UCKL1: variants seen among roughly 807,000 people sequenced by gnomAD.
UCKL1 encodes the protein uridine-cytidine kinase 1 like 1.
Under a neutral mutation model 59.2 loss-of-function variants are expected in UCKL1, and 65 were observed. The observed-to-expected ratio is 1.10, with a 90% CI of 0.90 to 1.35. The LOEUF is 1.35. UCKL1 is among the 40% of genes most tolerant of loss of function. UCKL1 has a pLI of 0.00. For synonymous variants in UCKL1, 410 were observed against 323.1 expected (o/e 1.27, Z -2.88); for missense variants, 703 against 784.3 (o/e 0.90, Z 1.24).
rs1283014448 is a variant in UCKL1, at chr20:63,949,259, A to AGGCCAGGCGCCAAGAC, written c.114-2632_114-2617dup. Among the ~76,000 whole-genome samples the AGGCCAGGCGCCAAGAC allele has an allele frequency of 5.3e-5, 8 of 152,202 alleles. No homozygotes were observed. The East Asian group carries it at 1.5e-3, about 29-fold the overall frequency. On this transcript the variant is annotated intron_variant, in intron 1 of 14. Coordinates refer to ENST00000354216, the MANE Select transcript of UCKL1 (RefSeq NM_017859.4). ...GCAGCAGGGCTGAGCACAAACAACAAGGCCAGGCGCCAAGACGACCAGGCG... is the reference window on the plus strand; with the variant it reads ...GCAGCAGGGCTGAGCACAAACAACAAGGCCAGGCGCCAAGACGGCCAGGCGCCAAGACGACCAGGCG...
chr20:63,950,865 G>C, intron 1 of UCKL1: 1 of 1,466,564 alleles, frequency 6.8e-7, no homozygotes, highest in Non-Finnish European at 9.0e-7. Flanking sequence ...ACAGCAGAGT[G>C]GCCCCAGGGG....
intron 8 of UCKL1, among the ~76,000 whole-genome samples, chr20:63,941,800 A>C (rs1282732073): frequency 6.6e-6 from 1 of 151,874 alleles, no homozygotes; most frequent in Non-Finnish European, 1.5e-5. Flanking sequence ...TGGAGGCAAG[A>C]AAGAGGTGGG....
chr20:63,948,631 GGAA>G (rs2056989597), intron 1 of UCKL1, among the ~76,000 whole-genome samples: 1 of 15,168 alleles, frequency 6.6e-5, no homozygotes, highest in Non-Finnish European at 1.5e-4. Flanking sequence ...TGTGTGAGAG[GGAA>G]GGGGCGTGTG....
intron 8 of UCKL1, 98 bp from the exon 9 acceptor site, chr20:63,941,306 C>G: frequency 6.9e-7 from 1 of 1,445,188 alleles, no homozygotes; most frequent in South Asian, 1.4e-5. Context: ...GGGGAACACA[C>G]GGGCCAGGCA....
At chr20:63,948,602 TGTGTGAGAGGG>T (rs2056950705) in intron 1 of UCKL1, 1 of 44,902 alleles carries the variant, frequency 2.2e-5, no homozygotes, top group Non-Finnish European at 4.9e-5. Flanking sequence ...GGAGGGGGCG[TGTGTGAGAGGG>T]AGGGGCGTGT....
chr20:63,946,628 G>A lies in UCKL1; in HGVS notation c.129C>T (p.Ser43=). ...CCACAGGTGGCAGGAGCCTGTCCAG[G>A]GACTCTGCATTGCTGCTGCAGAGAG... The part of the protein sequence containing the change: ...TACEDRSNAE[S]LDRLLPPVGT... Residue 43 remains serine, a synonymous_variant, in exon 2 of 15, where the codon TCC becomes TCT. Coordinates refer to ENST00000354216, the MANE Select transcript of UCKL1 (RefSeq NM_017859.4). 1.2e-6 allele frequency: 2 copies of A among 1,608,904 alleles called. No homozygotes were observed. The highest frequency in any genetic ancestry group is 1.1e-5 in the South Asian group (1 of 91,050).
In UCKL1 at chr20:63,940,002, C is replaced by A; in HGVS notation, c.1621G>T (p.Glu541Ter). The A allele has an allele frequency of 6.2e-7, 1 of 1,611,424 alleles. No homozygotes were observed. Among genetic ancestry groups the A allele is most frequent in the Non-Finnish European group, 8.5e-7 (1 of 1,179,704 alleles). The change falls in exon 15 of 15, where the codon GAG (glutamate) becomes TAG (stop). Residue 541 changes from glutamate to a stop codon, truncating the protein, a stop_gained. Transcript: ENST00000354216. LOFTEE classifies it high-confidence loss of function. ...TAACCCGTGTAGGCCACTTCCTCCT[C>A]GTCACTGCCATCGGGGACCGCGTCT... ...GTDAVPDGSD[E>*]EEVAYTG is the part of the protein sequence containing the mutation.
Position 63,946,188 on chromosome 20 carries a change from G to A in UCKL1, c.384C>T (p.Val128=). Residue 128 remains valine, a synonymous_variant, in exon 3 of 15, where the codon GTC becomes GTT. Coordinates refer to ENST00000354216, the MANE Select transcript of UCKL1 (RefSeq NM_017859.4). ...TGTAGAAGGAGTCCATGGACAGCAA[G>A]ACCACCCAGGGCACATCCAGGGCCT... is the stretch of plus-strand genomic sequence containing the variant. ...IIEALDVPWV[V]LLSMDSFYKV... The A allele has an allele frequency of 1.2e-6, 2 of 1,612,182 alleles. No homozygotes were observed. The highest frequency in any genetic ancestry group is 1.7e-6 in the Non-Finnish European group (2 of 1,179,668).
At chr20:63,945,746 G>A (rs758448637) in intron 4 of UCKL1, 24 bp from the exon 5 acceptor site, 19 of 1,612,650 alleles carry the variant, frequency 1.2e-5, no homozygotes, top group Admixed American at 5.0e-5. Flanking sequence ...CAGGAGTTGC[G>A]GAGCCTGGCT....
chr20:63,942,818 G>T (rs1034850381), intron 8 of UCKL1: 11 of 434,420 alleles, frequency 2.5e-5, no homozygotes, highest in Non-Finnish European at 5.4e-5. Flanking sequence ...CAGAACAAAA[G>T]CTTCAGGAGG....
Position 63,940,219 on chromosome 20 carries a change from G to A in UCKL1, c.1498C>T (p.Arg500Ter). The A allele has an allele frequency of 6.2e-7, 1 of 1,612,786 alleles. No homozygotes were observed. Residue 500 changes from arginine to a stop codon, truncating the protein, a stop_gained, in exon 14 of 15, where the codon CGA (arginine) becomes TGA (stop). Coordinates refer to ENST00000354216, the MANE Select transcript of UCKL1 (RefSeq NM_017859.4). LOFTEE classifies it high-confidence loss of function. ...GVHSVAYAFPRVRIITTAVDK... is the reference protein window; with the variant it reads ...GVHSVAYAFP ...ACCGCCGTGGTGATGATTCTCACTC[G>A]CGGAAATGCATAGGCCACTGAGTGC...
intron 7 of UCKL1, among the ~76,000 whole-genome samples, chr20:63,944,054 A>G (rs533859496): frequency 3.6e-4 from 55 of 152,094 alleles, no homozygotes; most frequent in Non-Finnish European, 6.5e-4. Flanking sequence ...CTGGCGTGGG[A>G]CTCAGCAGTG....
At chr20:63,942,755 T>C (rs2054970697) in intron 8 of UCKL1, 3 of 468,290 alleles carry the variant, frequency 6.4e-6, no homozygotes, top group Non-Finnish European at 1.3e-5. Flanking sequence ...AAAATGTGTC[T>C]GGCTGCGTTC....
Position 63,940,136 on chromosome 20 carries a change from C to T in UCKL1, c.1567+14G>A. On this transcript the variant is annotated intron_variant, in intron 14 of 14. Transcript: ENST00000354216. ...CTGCCCTCATGTGCGGCTGAAGGGC[C>T]CGGGCAGCCTCACCAATGCCTGGGA... 1.9e-6 allele frequency: 3 copies of T among 1,612,554 alleles called. No homozygotes were observed. Among genetic ancestry groups the T allele is most frequent in the Middle Eastern group, 3.3e-4 (2 of 6,060 alleles).
chr20:63,948,389 G>A (rs2056815037), intron 1 of UCKL1: 1 of 151,854 alleles, frequency 6.6e-6, no homozygotes, highest in Non-Finnish European at 1.5e-5. Flanking sequence ...ACGCTCCACA[G>A]ATGCCAGTTA....
chr20:63,940,425 T>C lies in UCKL1; in HGVS notation c.1363A>G (p.Thr455Ala). The C allele has an allele frequency of 6.2e-7, 1 of 1,612,328 alleles. No individual in the cohort carries two copies. The highest frequency in any genetic ancestry group is 8.5e-7 in the Non-Finnish European group (1 of 1,179,696). ...ATGGCCGCCGCGCCCGTGGACACGG[T>C]GCAGTCCATGAGGATCACGTGGTCA... is the stretch of plus-strand genomic sequence containing the variant. ...SDDHVILMDC[T>A]VSTGAAAMMA... The change falls in exon 13 of 15, where the codon ACC (threonine) becomes GCC (alanine). Residue 455 changes from threonine (T) to alanine (A), a missense_variant. By Grantham distance (58) the Thr-to-Ala change is moderately conservative (BLOSUM62 0). This residue lies in a region of UCKL1 where 124 missense variants were observed against 161.1 expected (regional missense o/e 0.77). Transcript: ENST00000354216.
chr20:63,950,632 C>G, intron 1 of UCKL1: 3 of 1,149,274 alleles, frequency 2.6e-6, no homozygotes, highest in Non-Finnish European at 3.4e-6. Flanking sequence ...TGCCCGGTGC[C>G]CGAGAGCACC....
chr20:63,939,949 G>T lies in UCKL1; in HGVS notation c.*27C>A. 3 of 1,605,930 alleles carry T rather than the reference G, an allele frequency of 1.9e-6. No homozygotes were observed. Among genetic ancestry groups the T allele is most frequent in the Non-Finnish European group, 2.6e-6 (3 of 1,173,954 alleles). ...TGGGTCAGGAGGCAGGAGGAGGGTG[G>T]TGGGGACGGGATGGCTCACTGGGCA... On this transcript the variant is annotated 3_prime_UTR_variant, in exon 15 of 15. Coordinates refer to ENST00000354216, the MANE Select transcript of UCKL1 (RefSeq NM_017859.4).
intron 7 of UCKL1, 108 bp from the exon 8 acceptor site, chr20:63,943,777 G>C (rs2055354423): frequency 6.6e-7 from 1 of 1,520,112 alleles, no homozygotes; most frequent in African/African-American, 1.4e-5. Flanking sequence ...GGCCCGCGGG[G>C]ACACAGCCAG....
Sources: allele counts gnomAD v4.1 joint callset (sites outside exome capture counted in the v4.1 genomes callset), GRCh38; gene constraint gnomAD v4.1.1; regional missense constraint gnomAD v4.1.1; transcripts MANE v1.5; gene names NCBI Gene and HGNC (gene_info 2026-07-23, HGNC 2026-07-21).